CPED1: variants seen among roughly 807,000 people sequenced by gnomAD.
CPED1 encodes the protein cadherin-like and PC-esterase domain-containing protein 1.
CPED1 carries 114 observed loss-of-function variants against 128.2 expected under a neutral mutation model. The ratio of observed to expected loss-of-function variants is 0.89; its 90% CI spans 0.76 to 1.04. The LOEUF is 1.04. CPED1 is among the 50% of genes least tolerant of loss of function. CPED1 has a pLI of 0.00. For synonymous variants in CPED1, 462 were observed against 426.7 expected (o/e 1.08, Z -1.02); for missense variants, 1,211 against 1,207.1 (o/e 1.00, Z -0.05).
intron 5 of CPED1, among the ~76,000 whole-genome samples, chr7:121,072,415 C>T (rs567977847): frequency 4.6e-5 from 7 of 152,054 alleles, no homozygotes; most frequent in Non-Finnish European, 8.8e-5. Context: ...AGAACTACTC[C>T]CAGCATTCAT....
chr7:121,018,223 T>C (rs551975453), intron 3 of CPED1, among the ~76,000 whole-genome samples: 89 of 152,330 alleles, frequency 5.8e-4, no homozygotes, highest in African/African-American at 2.1e-3. Flanking sequence ...TATTGCAGCC[T>C]ATTTTCCATG....
At chr7:121,225,499 T>C (rs1563071442) in intron 16 of CPED1, among the ~76,000 whole-genome samples, 1 of 152,108 alleles carries the variant, frequency 6.6e-6, no homozygotes, top group Non-Finnish European at 1.5e-5. Context: ...GTGATCTCTG[T>C]ATTTCCTGAA....
intron 16 of CPED1, among the ~76,000 whole-genome samples, chr7:121,194,443 G>T (rs1201984924): frequency 1.3e-5 from 2 of 152,036 alleles, no homozygotes; most frequent in African/African-American, 2.4e-5. Context: ...ATGGACTGAA[G>T]TATAGATTTA....
At position 121,130,226 on chromosome 7, in the gene CPED1, G is replaced by A. The variant is rs752626196; in HGVS notation, c.1509G>A (p.Trp503Ter). 6.2e-7 allele frequency: 1 copy of A among 1,611,892 alleles called. No homozygotes were observed. The highest frequency in any genetic ancestry group is 8.5e-7 in the Non-Finnish European group (1 of 1,178,850). The change falls in exon 12 of 23, where the codon TGG (tryptophan) becomes TGA (stop). Residue 503 changes from tryptophan (W) to a stop codon, truncating the protein, a stop_gained. Coordinates refer to ENST00000310396, the MANE Select transcript of CPED1 (RefSeq NM_024913.5). LOFTEE classifies it high-confidence loss of function. Reference sequence around the variant, plus strand: ...CTGGCTCAGTCCTGACCCAATACTGGTCTCTTTTAAATGTATTTGAACAAT... The same window carrying A: ...CTGGCTCAGTCCTGACCCAATACTGATCTCTTTTAAATGTATTTGAACAAT... ...GNPGSVLTQY[W>*]SLLNVFEQFQ...
intron 16 of CPED1, among the ~76,000 whole-genome samples, chr7:121,201,860 G>C (rs943152635): frequency 6.6e-6 from 1 of 152,024 alleles, no homozygotes; most frequent in Non-Finnish European, 1.5e-5. Flanking sequence ...GAACACGAAA[G>C]AAGAGAAAGA....
chr7:121,140,747 G>GAAA lies in CPED1; in HGVS notation c.1700-77_1700-75dup, dbSNP rs949429491. The GAAA allele has an allele frequency of 6.0e-6, 6 of 999,554 alleles. No homozygotes were observed. The African/African-American group carries it at 1.0e-4, about 17-fold the overall frequency. The allele number at this position is 999,554 out of a possible 1,614,324, so 61.9% of individuals were successfully genotyped here. A position where few individuals can be genotyped will look rare whatever the true frequency, so the allele number is the denominator to read the frequency against. On this transcript the variant is annotated intron_variant, in intron 14 of 22. Coordinates refer to ENST00000310396, the MANE Select transcript of CPED1 (RefSeq NM_024913.5). The stretch of plus-strand genomic sequence containing the variant: ...AAGTTGTTCAAAGGAAACAGAAAAA[G>GAAA]AAAAACCTAATCATATATTATTTAA...
At chr7:121,052,626 T>C (rs1374636364) in intron 4 of CPED1, among the ~76,000 whole-genome samples, 3 of 152,036 alleles carry the variant, frequency 2.0e-5, no homozygotes, top group African/African-American at 7.2e-5. Context: ...GTGATGACAA[T>C]GGAGAAGGTG....
At chr7:121,032,359 T>G (rs2116862145) in intron 3 of CPED1, among the ~76,000 whole-genome samples, 1 of 152,238 alleles carries the variant, frequency 6.6e-6, no homozygotes, top group East Asian at 1.9e-4. Flanking sequence ...TGAGACTAAA[T>G]GGAACTATGA....
At chr7:121,126,415 A>G (rs1308166973) in intron 9 of CPED1, among the ~76,000 whole-genome samples, 2 of 152,004 alleles carry the variant, frequency 1.3e-5, no homozygotes, top group African/African-American at 4.8e-5. Context: ...ATACTCATTC[A>G]TATTATCTCC....
chr7:121,033,465 T>C lies in CPED1; in HGVS notation c.434-13422T>C, dbSNP rs1337207035. Among the ~76,000 whole-genome samples, 12 of 152,338 alleles carry C rather than the reference T, an allele frequency of 7.9e-5. No individual in the cohort carries two copies. In the South Asian group the frequency reaches 1.5e-3, roughly 18 times the overall value. ...TAGCTATTCACTAAATAAACACTTA[T>C]ATAAAGCTATCAAATACTGACAGTG... On this transcript the variant is annotated intron_variant, in intron 3 of 22. Transcript: ENST00000310396.
At chr7:121,093,427 C>G (rs191728545) in intron 5 of CPED1, among the ~76,000 whole-genome samples, 2 of 151,080 alleles carry the variant, frequency 1.3e-5, no homozygotes, top group African/African-American at 2.5e-5. Flanking sequence ...CACACACACA[C>G]AGTTGTTTGT....
At chr7:121,105,154 T>C (rs1040429959) in intron 7 of CPED1, among the ~76,000 whole-genome samples, 5 of 152,084 alleles carry the variant, frequency 3.3e-5, no homozygotes, top group African/African-American at 1.2e-4. Flanking sequence ...AGGAGAACTG[T>C]GGCAAAGAGA....
chr7:121,128,346 A>G lies in CPED1; in HGVS notation c.1303-36A>G, dbSNP rs777588037. The stretch of plus-strand genomic sequence containing the variant: ...TGGGTTGAACATGGTTTGACTTTTT[A>G]ACAATTGCTTAAGTTCTTTCCCCCT... On this transcript the variant is annotated intron_variant, in intron 10 of 22. Coordinates refer to ENST00000310396, the MANE Select transcript of CPED1 (RefSeq NM_024913.5). 137 of 1,193,818 alleles carry G rather than the reference A, an allele frequency of 1.1e-4. No homozygotes were observed. In the Admixed American group the frequency reaches 2.4e-3, roughly 21 times the overall value. 74.0% of individuals were successfully genotyped at this position (1,193,818 alleles called of 1,614,324 possible). A position where few individuals can be genotyped will look rare whatever the true frequency, so the allele number is the denominator to read the frequency against.
chr7:121,231,336 C>A (rs1219879269), intron 16 of CPED1, among the ~76,000 whole-genome samples: 1 of 151,992 alleles, frequency 6.6e-6, no homozygotes, highest in Non-Finnish European at 1.5e-5. Flanking sequence ...TTATTGTCAG[C>A]ACGAATTTGA....
intron 7 of CPED1, among the ~76,000 whole-genome samples, chr7:121,123,560 C>G (rs531678150): frequency 1.3e-5 from 2 of 152,160 alleles, no homozygotes; most frequent in South Asian, 2.1e-4. Flanking sequence ...TTCACTTGAA[C>G]TTTGATATGA....
At chr7:121,117,086 T>TATATATATA (rs1554437011) in intron 7 of CPED1, among the ~76,000 whole-genome samples, 1 of 142,532 alleles carries the variant, frequency 7.0e-6, no homozygotes, top group East Asian at 2.0e-4. Flanking sequence ...ATTATATATA[T>TATATATATA]ATATATATAT....
At chr7:121,235,801 C>A (rs1460072395) in intron 16 of CPED1, among the ~76,000 whole-genome samples, 3 of 152,036 alleles carry the variant, frequency 2.0e-5, no homozygotes, top group Admixed American at 6.6e-5. Flanking sequence ...AAAGGGGGAG[C>A]TGACATGAAC....
At chr7:121,046,597 ATCTTTTAAATGAATTTTATAATG>A (rs1456164864) in intron 3 of CPED1, among the ~76,000 whole-genome samples, 2 of 152,066 alleles carry the variant, frequency 1.3e-5, no homozygotes, top group South Asian at 4.1e-4. Context: ...TCTAATTTCA[ATCTTTTAAATGAATTTTATAATG>A]TCTTTTAAAT....
intron 16 of CPED1, among the ~76,000 whole-genome samples, chr7:121,181,051 G>A (rs748728647): frequency 6.6e-6 from 1 of 152,028 alleles, no homozygotes; most frequent in African/African-American, 2.4e-5. Flanking sequence ...TCAAGAAATA[G>A]TCAACAGTAA....
Sources: allele counts gnomAD v4.1 joint callset (sites outside exome capture counted in the v4.1 genomes callset), GRCh38; gene constraint gnomAD v4.1.1; transcripts MANE v1.5; gene names NCBI Gene and HGNC (gene_info 2026-07-23, HGNC 2026-07-21).